Variants in ASH1L observed in about 807,000 individuals in gnomAD.
The protein encoded by ASH1L is ASH1 like histone lysine methyltransferase, also known as histone-lysine N-methyltransferase ASH1L.
ASH1L carries 23 observed loss-of-function variants against 269.0 expected under a neutral mutation model. The ratio of observed to expected loss-of-function variants is 0.09; its 90% CI spans 0.06 to 0.12. The LOEUF is 0.12. Among genes scored for constraint, ASH1L ranks in the 10% least tolerant of loss-of-function variants. The pLI, the probability that ASH1L is intolerant of heterozygous loss-of-function variation, is 1.00. For synonymous variants in ASH1L, 1,187 were observed against 1,253.5 expected, an observed-to-expected ratio of 0.95 and a Z score of 1.12; for missense variants, 2,912 against 3,567.8, an observed-to-expected ratio of 0.82 and a Z score of 4.68.
chr1:155,520,986 T>A (rs917209654), intron 2 of ASH1L, 114 bp downstream of exon 2: 2 of 1,175,422 alleles, frequency 1.7e-6, no homozygotes, highest in Non-Finnish European at 2.4e-6. Flanking sequence ...AAACAAACTA[T>A]CTGGAAATAA....
In ASH1L at chr1:155,521,632, C is replaced by G. The variant is rs1553273439; in HGVS notation, c.-99-14G>C. On this transcript the variant is annotated splice_polypyrimidine_tract_variant and intron_variant, in intron 1 of 27. Transcript: ENST00000392403. ...CAGCATCTTTCTCTGCAGAACAGAT[C>G]ATAACAAAAATTTATCAGAAAAGAG... 4 of 1,016,082 alleles carry G rather than the reference C, an allele frequency of 3.9e-6. No homozygotes were observed. The East Asian group carries it at 7.3e-5, about 19-fold the overall frequency. 62.9% of individuals were successfully genotyped at this position (1,016,082 alleles called of 1,614,324 possible).
chr1:155,366,719 G>T (rs1284437991), intron 12 of ASH1L, among the ~76,000 whole-genome samples: 1 of 152,128 alleles, frequency 6.6e-6, no homozygotes, highest in Non-Finnish European at 1.5e-5. Flanking sequence ...TGTCACACAG[G>T]CTGGAGTGCA....
At chr1:155,514,416 TAC>T (rs1479101193) in intron 2 of ASH1L, among the ~76,000 whole-genome samples, 2 of 152,348 alleles carry the variant, frequency 1.3e-5, no homozygotes, top group East Asian at 1.9e-4. Flanking sequence ...TAAAAGTAAC[TAC>T]AGTTTTTGCA....
chr1:155,423,726 G>T (rs999278267), intron 5 of ASH1L, among the ~76,000 whole-genome samples: 1 of 152,120 alleles, frequency 6.6e-6, no homozygotes, highest in African/African-American at 2.4e-5. Flanking sequence ...CCTTATGCTA[G>T]ATTCATTTAT....
intron 6 of ASH1L, among the ~76,000 whole-genome samples, chr1:155,401,857 GGCAGGTGGATCA>G (rs1270559756): frequency 1.3e-5 from 2 of 151,892 alleles, no homozygotes; most frequent in East Asian, 1.9e-4. Flanking sequence ...GGGAGGCCAA[GGCAGGTGGATCA>G]CCTGAGGTCA....
In ASH1L at chr1:155,447,101, G is replaced by A. The variant is rs147672900; in HGVS notation, c.5087-8033C>T. On this transcript the variant is annotated intron_variant, in intron 4 of 27. Coordinates refer to ENST00000392403, the MANE Select transcript of ASH1L (RefSeq NM_018489.3). ...GACTTCCCTATAATGCTGAATAGAAGTAGTGGACATCTATACCTTTTCCCC... is the reference window on the plus strand; with the variant it reads ...GACTTCCCTATAATGCTGAATAGAAATAGTGGACATCTATACCTTTTCCCC... Among the ~76,000 whole-genome samples the A allele has an allele frequency of 1.3e-3, 202 of 152,298 alleles. 1 individual carries two copies. Among genetic ancestry groups the A allele is most frequent in the African/African-American group, 4.0e-3 (167 of 41,566 alleles).
At chr1:155,465,301 A>AC (rs905403608) in intron 3 of ASH1L, among the ~76,000 whole-genome samples, 9 of 151,532 alleles carry the variant, frequency 5.9e-5, no homozygotes, top group Admixed American at 2.6e-4. Context: ...AAAAAAAAAA[A>AC]AAAAAAAAAA....
rs541766553 is a variant in ASH1L, at chr1:155,408,692, G to C, written c.6008+7052C>G. On this transcript the variant is annotated intron_variant, in intron 6 of 27. Coordinates refer to ENST00000392403, the MANE Select transcript of ASH1L (RefSeq NM_018489.3). ...CTGTGGTAAAATCAGGGAATTTTGA[G>C]CAGTTTCCTATAAAATGCTAATAGA... Among the ~76,000 whole-genome samples, 4 of 152,226 alleles carry C rather than the reference G, an allele frequency of 2.6e-5. No individual in the cohort carries two copies. The East Asian group carries it at 7.7e-4, about 29-fold the overall frequency.
chr1:155,395,756 T>C (rs1438612777), intron 6 of ASH1L, among the ~76,000 whole-genome samples: 2 of 152,038 alleles, frequency 1.3e-5, no homozygotes, highest in African/African-American at 2.4e-5. Context: ...CCCAATACTT[T>C]TGGAAGCTGA....
At chr1:155,488,871 T>C (rs753769802) in intron 2 of ASH1L, among the ~76,000 whole-genome samples, 1 of 151,954 alleles carries the variant, frequency 6.6e-6, no homozygotes, top group East Asian at 1.9e-4. Context: ...AACAGAAAAA[T>C]AGCTTTAGTC....
At chr1:155,464,665 C>G (rs943682788) in intron 3 of ASH1L, among the ~76,000 whole-genome samples, 15 of 152,140 alleles carry the variant, frequency 9.9e-5, no homozygotes, top group African/African-American at 3.6e-4. Flanking sequence ...AAAGAGAATA[C>G]CATAAATTGG....
intron 4 of ASH1L, among the ~76,000 whole-genome samples, chr1:155,454,503 C>T (rs1297733468): frequency 6.6e-6 from 1 of 152,146 alleles, no homozygotes; most frequent in Non-Finnish European, 1.5e-5. Flanking sequence ...AGTGGTGGCT[C>T]AGGCCTGTAA....
intron 17 of ASH1L, among the ~76,000 whole-genome samples, chr1:155,350,604 T>C (rs1318209244): frequency 1.3e-5 from 2 of 152,124 alleles, no homozygotes; most frequent in African/African-American, 4.8e-5. Flanking sequence ...CTAGTTCTCA[T>C]TAACTGCCCT....
intron 6 of ASH1L, among the ~76,000 whole-genome samples, chr1:155,399,371 T>G (rs1460002358): frequency 1.4e-5 from 2 of 141,224 alleles, no homozygotes; most frequent in East Asian, 3.9e-4. Flanking sequence ...GGCTCACATA[T>G]GTAATCCAAG....
chr1:155,378,973 T>G (rs1302491600), intron 8 of ASH1L, among the ~76,000 whole-genome samples: 2 of 152,056 alleles, frequency 1.3e-5, no homozygotes, highest in Non-Finnish European at 2.9e-5. Context: ...TACCCTGGCT[T>G]TTCAGGTTGA....
At chr1:155,548,781 T>G (rs774148825) in intron 1 of ASH1L, among the ~76,000 whole-genome samples, 6 of 152,348 alleles carry the variant, frequency 3.9e-5, no homozygotes, top group Non-Finnish European at 7.3e-5. Context: ...TCAAGTTCTT[T>G]GGCTCTAAAT....
intron 26 of ASH1L, 74 bp downstream of exon 26, chr1:155,339,254 G>T: frequency 7.3e-7 from 1 of 1,372,238 alleles, no homozygotes; most frequent in Non-Finnish European, 1.0e-6. Flanking sequence ...TGAGTGGGTA[G>T]TTGTTTGTTT....
At chr1:155,539,636 C>T (rs576847969) in intron 1 of ASH1L, among the ~76,000 whole-genome samples, 2 of 152,056 alleles carry the variant, frequency 1.3e-5, no homozygotes, top group African/African-American at 4.8e-5. Flanking sequence ...TTTGTAGAGA[C>T]AGCATCTTGC....
intron 5 of ASH1L, among the ~76,000 whole-genome samples, chr1:155,428,882 G>A (rs1210365979): frequency 1.3e-5 from 2 of 152,064 alleles, no homozygotes; most frequent in African/African-American, 4.8e-5. Context: ...ATCTCTGTTC[G>A]GGGCTCTCAG....
Sources: allele counts gnomAD v4.1 joint callset (sites outside exome capture counted in the v4.1 genomes callset), GRCh38; gene constraint gnomAD v4.1.1; transcripts MANE v1.5; gene names NCBI Gene and HGNC (gene_info 2026-07-23, HGNC 2026-07-21).